Variants in RELN observed in about 807,000 individuals in gnomAD.
RELN encodes reelin.
RELN carries 108 observed loss-of-function variants against 427.6 expected under a neutral mutation model. The ratio of observed to expected loss-of-function variants is 0.25; its 90% CI spans 0.22 to 0.30. The LOEUF (loss-of-function observed/expected upper bound fraction) is 0.30, where lower values mean the gene tolerates loss of function less well. Among genes scored for constraint, RELN ranks in the 10% least tolerant of loss-of-function variants. RELN has a pLI of 1.00. For synonymous variants in RELN, 1,524 were observed against 1,513.4 expected, an observed-to-expected ratio of 1.01 and a Z score of -0.16; for missense variants, 3,715 against 4,302.8, an observed-to-expected ratio of 0.86 and a Z score of 3.82.
At chr7:103,527,819 G>T (rs994206713) in intron 46 of RELN, among the ~76,000 whole-genome samples, 2 of 152,172 alleles carry the variant, frequency 1.3e-5, no homozygotes, top group African/African-American at 4.8e-5. Context: ...ATAAGCACAG[G>T]ATAAGAAGCC....
At chr7:103,773,153 T>A (rs1376521428) in intron 4 of RELN, among the ~76,000 whole-genome samples, 1 of 131,464 alleles carries the variant, frequency 7.6e-6, no homozygotes, top group Admixed American at 7.7e-5. Flanking sequence ...TCTTTCTTTC[T>A]TTCTTTCTTT....
chr7:103,486,472 A>G (rs1828444356), intron 60 of RELN, 56 bp from the exon 61 acceptor site: 7 of 1,329,102 alleles, frequency 5.3e-6, no homozygotes, highest in Middle Eastern at 3.7e-4. Context: ...GTCATTCAAG[A>G]TTAAGAACAA....
intron 36 of RELN, 88 bp from the exon 37 acceptor site, chr7:103,558,137 T>C (rs751719497): frequency 3.6e-5 from 26 of 716,290 alleles, no homozygotes; most frequent in Non-Finnish European, 6.5e-5. Context: ...TTGCATTAGC[T>C]AAGTAATAAA....
intron 2 of RELN, among the ~76,000 whole-genome samples, chr7:103,873,783 A>G (rs1297541758): frequency 7.5e-6 from 1 of 133,398 alleles, no homozygotes; most frequent in African/African-American, 2.6e-5. Context: ...AGGTACAAGG[A>G]GGAACTGGTA....
chr7:103,737,672 T>C (rs940917098), intron 6 of RELN, among the ~76,000 whole-genome samples: 1 of 152,236 alleles, frequency 6.6e-6, no homozygotes, highest in Non-Finnish European at 1.5e-5. Context: ...AAATCACCAA[T>C]CTTTTTCCTT....
chr7:103,735,013 T>C (rs1790455999), intron 6 of RELN, among the ~76,000 whole-genome samples: 1 of 152,170 alleles, frequency 6.6e-6, no homozygotes, highest in Admixed American at 6.5e-5. Flanking sequence ...TTTGGCTATA[T>C]ATATTCTTAG....
In RELN at chr7:103,561,945, C is replaced by T; in HGVS notation, c.5219G>A (p.Arg1740Lys). The change falls in exon 35 of 65, where the codon AGG becomes AAG. Residue 1740 changes from arginine to lysine, a missense_variant. This residue lies in a region of RELN where 2,208 missense variants were observed against 2,361.7 expected (regional missense o/e 0.93). Transcript: ENST00000428762. ...GGCCTGAATCCATCTGAACCGGGTC[C>T]TGGGAGAACTAACCAAAAAAAAAAA... ...VYLPLSTISP[R>K]TRFRWIQANY... 2.0e-6 allele frequency: 3 copies of T among 1,512,002 alleles called. No homozygotes were observed. The highest frequency in any genetic ancestry group is 2.3e-5 in the South Asian group (2 of 87,492). The allele number at this position is 1,512,002 out of a possible 1,614,324, so 93.7% of individuals were successfully genotyped here.
intron 3 of RELN, among the ~76,000 whole-genome samples, chr7:103,787,742 T>C (rs1450043149): frequency 2.6e-5 from 4 of 152,182 alleles, no homozygotes; most frequent in Non-Finnish European, 5.9e-5. Flanking sequence ...CACAGCCAAA[T>C]TCTACCAGAG....
intron 4 of RELN, among the ~76,000 whole-genome samples, chr7:103,772,550 AT>A: frequency 6.6e-6 from 1 of 152,294 alleles, no homozygotes; most frequent in Non-Finnish European, 1.5e-5. Context: ...AGAGTTATGT[AT>A]GAGGGTTGTC....
At chr7:103,780,735 T>C (rs1791867890) in intron 3 of RELN, among the ~76,000 whole-genome samples, 1 of 152,216 alleles carries the variant, frequency 6.6e-6, no homozygotes. Flanking sequence ...CTGATCTCAT[T>C]CTTTTTTTAT....
At position 103,539,112 on chromosome 7, in the gene RELN, G is replaced by A. The variant is rs775495757; in HGVS notation, c.7146C>T (p.Phe2382=). Residue 2382 remains phenylalanine, a synonymous_variant, in exon 45 of 65, where the codon TTC becomes TTT. Transcript: ENST00000428762. The part of the protein sequence containing the change: ...VNEDSFLQID[F]AASCSVTDSC... ...AGTCTGTGACTGAGCAGGAGGCAGC[G>A]AAGTCTATCTGTAGGAAGGAATCCT... 15 of 1,614,012 alleles carry A rather than the reference G, an allele frequency of 9.3e-6. No homozygotes were observed. The highest frequency in any genetic ancestry group is 6.7e-5 in the East Asian group (3 of 44,896).
intron 6 of RELN, among the ~76,000 whole-genome samples, chr7:103,728,457 T>A (rs1416207455): frequency 6.6e-6 from 1 of 152,110 alleles, no homozygotes; most frequent in Non-Finnish European, 1.5e-5. Context: ...TTCAGTTTCC[T>A]CACCTGTAAA....
intron 2 of RELN, among the ~76,000 whole-genome samples, chr7:103,907,037 T>C (rs1367503048): frequency 6.6e-6 from 1 of 152,128 alleles, no homozygotes; most frequent in Non-Finnish European, 1.5e-5. Context: ...AAAAGACATA[T>C]CCATACAATG....
At chr7:103,758,908 T>G (rs1791226974) in intron 4 of RELN, among the ~76,000 whole-genome samples, 1 of 151,876 alleles carries the variant, frequency 6.6e-6, no homozygotes, top group Non-Finnish European at 1.5e-5. Flanking sequence ...TCAGCAACAT[T>G]CTAAGTCTTT....
At chr7:103,900,831 A>T (rs1795067766) in intron 2 of RELN, among the ~76,000 whole-genome samples, 1 of 152,124 alleles carries the variant, frequency 6.6e-6, no homozygotes, top group South Asian at 2.1e-4. Flanking sequence ...CACCTTATAT[A>T]AAAATCAACT....
chr7:103,747,506 T>A (rs1415446971), intron 6 of RELN, among the ~76,000 whole-genome samples: 1 of 152,148 alleles, frequency 6.6e-6, no homozygotes, highest in African/African-American at 2.4e-5. Flanking sequence ...TTTTTGCTTT[T>A]CTCATGGTAT....
At chr7:103,646,490 C>T (rs1242895799) in intron 16 of RELN, among the ~76,000 whole-genome samples, 1 of 151,872 alleles carries the variant, frequency 6.6e-6, no homozygotes, top group Non-Finnish European at 1.5e-5. Context: ...TTACTGTAAA[C>T]ATCTTTATGT....
At chr7:103,864,490 C>T (rs915630595) in intron 2 of RELN, among the ~76,000 whole-genome samples, 40 of 152,166 alleles carry the variant, frequency 2.6e-4, no homozygotes, top group Non-Finnish European at 2.9e-5. Flanking sequence ...ATTCTATTCT[C>T]CGCTTCTGTG....
chr7:103,899,788 G>C (rs1047444147), intron 2 of RELN, among the ~76,000 whole-genome samples: 1 of 152,072 alleles, frequency 6.6e-6, no homozygotes, highest in African/African-American at 2.4e-5. Context: ...GGTATTGATG[G>C]AACATATCTC....
Sources: gnomAD v4.1 joint callset for allele counts (sites outside exome capture counted in the v4.1 genomes callset) on GRCh38, gnomAD v4.1.1 for gene constraint, gnomAD v4.1.1 regional missense constraint, MANE v1.5 for transcripts, NCBI Gene and HGNC (gene_info 2026-07-23, HGNC 2026-07-21) for gene names.